Variants in HYDIN observed in about 807,000 individuals in gnomAD.
HYDIN encodes the protein axonemal central pair apparatus protein HYDIN.
A neutral mutation model predicts 403.9 loss-of-function variants in HYDIN; 132 were observed. The ratio of observed to expected loss-of-function variants is 0.33; its 90% CI spans 0.28 to 0.38. HYDIN has a LOEUF of 0.38. Ranked by LOEUF, HYDIN falls within the 10% of genes least tolerant of loss-of-function variation. The pLI is 1.00. For missense variants in HYDIN, 2,827 were observed against 5,009.5 expected, an observed-to-expected ratio of 0.56 and a Z score of 13.15; for synonymous variants, 1,202 against 1,891.7, an observed-to-expected ratio of 0.64 and a Z score of 9.46.
At chr16:71,052,837 T>A in intron 18 of HYDIN, among the ~76,000 whole-genome samples, 2 of 130,786 alleles carry the variant, frequency 1.5e-5, no homozygotes, top group African/African-American at 3.0e-5. Context: ...GGTGACAGAG[T>A]AAGAACCTGA....
intron 62 of HYDIN, 140 bp from the exon 63 acceptor site, chr16:70,875,059 A>G (rs2040367017): frequency 1.0e-6 from 1 of 994,040 alleles, no homozygotes; most frequent in South Asian, 2.1e-5. Context: ...TGAATTTCTT[A>G]AGAGAGATAA....
intron 1 of HYDIN, among the ~76,000 whole-genome samples, chr16:71,191,791 G>A (rs1393439222): frequency 2.6e-5 from 4 of 152,082 alleles, no homozygotes; most frequent in African/African-American, 9.6e-5. Flanking sequence ...TTCCACTTAG[G>A]GTGTCCACAG....
At chr16:70,892,568 C>T (rs2041534660) in intron 55 of HYDIN, 39 bp from the exon 56 acceptor site, 2 of 1,580,966 alleles carry the variant, frequency 1.3e-6, no homozygotes, top group South Asian at 2.3e-5. Context: ...AGGTCATTAT[C>T]CCGGGAACTC....
chr16:70,847,161 A>C (rs1238079626), intron 75 of HYDIN, among the ~76,000 whole-genome samples: 1 of 141,800 alleles, frequency 7.1e-6, no homozygotes, highest in Non-Finnish European at 1.6e-5. Context: ...ATTTAATAAC[A>C]ACTTAATTTC....
chr16:71,028,732 A>C (rs1597587817), intron 19 of HYDIN, among the ~76,000 whole-genome samples: 1 of 152,154 alleles, frequency 6.6e-6, no homozygotes, highest in African/African-American at 2.4e-5. Context: ...TGAAATAAAC[A>C]ATCAGAAGGA....
chr16:70,882,564 C>T, intron 60 of HYDIN, 96 bp downstream of exon 60: 3 of 608,406 alleles, frequency 4.9e-6, no homozygotes, highest in Non-Finnish European at 8.8e-6. Flanking sequence ...ATAATTTCCA[C>T]TCACGCATAC....
intron 73 of HYDIN, 23 bp from the exon 74 acceptor site, chr16:70,850,678 G>T: frequency 6.3e-7 from 1 of 1,592,634 alleles, no homozygotes; most frequent in African/African-American, 1.3e-5. Flanking sequence ...CAAAACAGCA[G>T]ATTACCTGAC....
rs1243320163 is a variant in HYDIN at position 71,110,442 on chromosome 16, TA to T, written c.1327+5253del. Among the ~76,000 whole-genome samples the T allele has an allele frequency of 8.9e-3, 1,261 of 141,748 alleles. 16 individuals carry two copies. The highest frequency in any genetic ancestry group is 0.032 in the African/African-American group (1,213 of 38,492). 93.0% of individuals were successfully genotyped at this position (141,748 alleles called of 152,430 possible). Reference sequence around the variant, plus strand: ...TTATATATAATTATAAATATATAAATAATATAATATATAAATATATATAAAC... The same window carrying T: ...TTATATATAATTATAAATATATAAATATATAATATATAAATATATATAAAC... On this transcript the variant is annotated intron_variant, in intron 10 of 85. Coordinates refer to ENST00000393567, the MANE Select transcript of HYDIN (RefSeq NM_001270974.2).
chr16:71,003,451 A>C (rs1410182702), intron 23 of HYDIN, among the ~76,000 whole-genome samples: 2 of 150,344 alleles, frequency 1.3e-5, no homozygotes, highest in East Asian at 3.9e-4. Flanking sequence ...ATTTCTAAGT[A>C]CTTTTTTTTT....
At chr16:71,196,159 A>G (rs190213420) in intron 1 of HYDIN, among the ~76,000 whole-genome samples, 2 of 152,362 alleles carry the variant, frequency 1.3e-5, no homozygotes, top group East Asian at 3.9e-4. Context: ...TTTCAATTTA[A>G]TAAGTAGTAG....
chr16:70,902,822 T>TA (rs1491533720), intron 52 of HYDIN, among the ~76,000 whole-genome samples: 980 of 16,606 alleles, frequency 0.059, 2 homozygotes, highest in Middle Eastern at 0.33. Context: ...TATATATATA[T>TA]TTTTTTTTTT....
Position 70,874,491 on chromosome 16 carries a change from T to C in HYDIN, c.10762A>G (p.Ile3588Val), listed in dbSNP as rs1247842210. The C allele has an allele frequency of 5.2e-6, 3 of 574,414 alleles. No homozygotes were observed. The highest frequency in any genetic ancestry group is 6.0e-6 in the Non-Finnish European group (2 of 334,420). The allele number at this position is 574,414 out of a possible 1,614,324, so 35.6% of individuals were successfully genotyped here. A position where few individuals can be genotyped will look rare whatever the true frequency, so the allele number is the denominator to read the frequency against. The change falls in exon 64 of 86, where the codon ATC (isoleucine) becomes GTC (valine). Residue 3588 changes from isoleucine (I) to valine (V), a missense_variant. Transcript: ENST00000393567. ...TGGTTGTTGATCACTGACAAGTGGA[T>C]GATACCTCTCATCCTCCCAACCTTC... ...SQKVGRMRGI[I>V]HLSVINNQYE...
At chr16:71,206,233 G>A (rs1270625597) in intron 1 of HYDIN, among the ~76,000 whole-genome samples, 1 of 152,136 alleles carries the variant, frequency 6.6e-6, no homozygotes, top group Non-Finnish European at 1.5e-5. Context: ...GACATGTCTT[G>A]TTGGCCAACT....
rs191680753 is a variant in HYDIN at position 71,178,825 on chromosome 16, A to G, written c.381+103T>C. The stretch of plus-strand genomic sequence containing the variant: ...GTTTTCATACTATTTTCCTAAGTCT[A>G]TCAAATTAAAGAACTTATCAAAGAT... On this transcript the variant is annotated intron_variant, in intron 4 of 85. Transcript: ENST00000393567. The G allele has an allele frequency of 6.2e-6, 6 of 960,758 alleles. No individual in the cohort carries two copies. In the Admixed American group the frequency reaches 1.3e-4, roughly 20 times the overall value. The allele number at this position is 960,758 out of a possible 1,614,324, so 59.5% of individuals were successfully genotyped here.
chr16:70,951,630 C>T (rs957948497), intron 41 of HYDIN, among the ~76,000 whole-genome samples: 1 of 152,142 alleles, frequency 6.6e-6, no homozygotes, highest in African/African-American at 2.4e-5. Flanking sequence ...GTGCTGAATT[C>T]TGCCCTTCTT....
intron 15 of HYDIN, chr16:71,066,698 G>A (rs2082281256): frequency 2.8e-6 from 1 of 363,608 alleles, no homozygotes; most frequent in South Asian, 2.1e-5. Context: ...AAAGGACACA[G>A]TCAACAAATG....
At chr16:70,916,025 G>A (rs1390782022) in intron 47 of HYDIN, among the ~76,000 whole-genome samples, 3 of 152,252 alleles carry the variant, frequency 2.0e-5, no homozygotes, top group Non-Finnish European at 4.4e-5. Context: ...CTGTTTCCAG[G>A]CAGTGGGCAA....
chr16:71,048,378 A>T lies in HYDIN; in HGVS notation c.2529+12126T>A, dbSNP rs564143832. 3.8e-5 allele frequency among the ~76,000 whole-genome samples: 5 copies of T among 131,654 alleles called. No homozygotes were observed. The South Asian group carries it at 1.2e-3, about 31-fold the overall frequency. 86.4% of individuals were successfully genotyped at this position (131,654 alleles called of 152,430 possible). A position where few individuals can be genotyped will look rare whatever the true frequency, so the allele number is the denominator to read the frequency against. On this transcript the variant is annotated intron_variant, in intron 18 of 85. Transcript: ENST00000393567. The stretch of plus-strand genomic sequence containing the variant: ...CCCAGTAGTGGGATTGCTGGATCAT[A>T]GGATAGTTCTATTTTTAGTTTTTTG...
chr16:70,851,203 CAA>C (rs4028101), intron 73 of HYDIN, among the ~76,000 whole-genome samples: 33 of 22,164 alleles, frequency 1.5e-3, no homozygotes, highest in African/African-American at 4.7e-3. Context: ...ATCAATCCTG[CAA>C]AAAAAAAAAA....
Sources: allele counts gnomAD v4.1 joint callset (sites outside exome capture counted in the v4.1 genomes callset), GRCh38; gene constraint gnomAD v4.1.1; transcripts MANE v1.5; gene names NCBI Gene and HGNC (gene_info 2026-07-23, HGNC 2026-07-21).